Variants in SSBP3 observed in about 807,000 individuals in gnomAD.
SSBP3 encodes the protein single-stranded DNA-binding protein 3.
Under a neutral mutation model 69.6 loss-of-function variants are expected in SSBP3, and 5 were observed. That is an observed-to-expected ratio of 0.07 (90% CI 0.04 to 0.15). SSBP3 has a LOEUF of 0.15. Ranked by LOEUF, SSBP3 falls within the 10% of genes least tolerant of loss-of-function variation. The pLI, the probability that SSBP3 is intolerant of heterozygous loss-of-function variation, is 1.00. For synonymous variants in SSBP3, 196 were observed against 193.4 expected, an observed-to-expected ratio of 1.01 and a Z score of -0.11; for missense variants, 312 against 534.0, an observed-to-expected ratio of 0.58 and a Z score of 4.10.
intron 5 of SSBP3, among the ~76,000 whole-genome samples, chr1:54,281,193 GAA>G (rs1363293951): frequency 6.6e-6 from 1 of 152,194 alleles, no homozygotes; most frequent in Non-Finnish European, 1.5e-5. Context: ...CTGGCATGAA[GAA>G]AGCAAACTCC....
intron 4 of SSBP3, among the ~76,000 whole-genome samples, chr1:54,400,091 G>A (rs1263663169): frequency 6.6e-6 from 1 of 152,162 alleles, no homozygotes; most frequent in African/African-American, 2.4e-5. Context: ...CCATTCCTCA[G>A]CAAATTACTG....
intron 4 of SSBP3, among the ~76,000 whole-genome samples, chr1:54,310,551 G>A (rs1645983341): frequency 2.0e-5 from 3 of 152,100 alleles, no homozygotes; most frequent in Non-Finnish European, 4.4e-5. Flanking sequence ...AGCACTACCT[G>A]CATTAGCTAA....
chr1:54,239,101 T>C (rs1253786173), intron 14 of SSBP3, 28 bp downstream of exon 14: 1 of 1,585,002 alleles, frequency 6.3e-7, no homozygotes, highest in Admixed American at 1.7e-5. Context: ...TGGTGTCTGA[T>C]ATGTAAATTA....
intron 4 of SSBP3, among the ~76,000 whole-genome samples, chr1:54,371,872 C>T (rs912291306): frequency 3.9e-5 from 6 of 152,088 alleles, no homozygotes; most frequent in Non-Finnish European, 8.8e-5. Context: ...CCACCTGGTA[C>T]AGGAACCGAG....
At position 54,279,202 on chromosome 1, in the gene SSBP3, G is replaced by A. The variant is rs148240745; in HGVS notation, c.366+2236C>T. On this transcript the variant is annotated intron_variant, in intron 5 of 17. Transcript: ENST00000610401. ...TGACCACGTCAGCTCTTGATGGCTC[G>A]CCGTGCCTGGGAAAACAGAGGTGAC... Among the ~76,000 whole-genome samples the A allele has an allele frequency of 2.0e-3, 311 of 152,236 alleles. 1 individual carries two copies. Among genetic ancestry groups the A allele is most frequent in the Non-Finnish European group, 3.1e-3 (214 of 68,030 alleles).
intron 4 of SSBP3, among the ~76,000 whole-genome samples, chr1:54,308,397 C>T (rs1390974776): frequency 2.0e-5 from 3 of 151,696 alleles, no homozygotes; most frequent in African/African-American, 4.8e-5. Flanking sequence ...GTCAGGAGAT[C>T]GAGACCATCC....
At chr1:54,353,428 G>A (rs1181622456) in intron 4 of SSBP3, among the ~76,000 whole-genome samples, 2 of 152,142 alleles carry the variant, frequency 1.3e-5, no homozygotes, top group African/African-American at 4.8e-5. Context: ...ATGTGGCCAG[G>A]CCATCCTCAG....
chr1:54,288,357 G>A (rs1224130364), intron 4 of SSBP3, among the ~76,000 whole-genome samples: 1 of 152,186 alleles, frequency 6.6e-6, no homozygotes, highest in East Asian at 1.9e-4. Flanking sequence ...GTGACACTGT[G>A]GATGTCCAAG....
At chr1:54,383,328 A>T (rs1219962498) in intron 4 of SSBP3, among the ~76,000 whole-genome samples, 1 of 152,100 alleles carries the variant, frequency 6.6e-6, no homozygotes, top group African/African-American at 2.4e-5. Context: ...TAGTGAGCCA[A>T]GATCGCACCA....
chr1:54,335,541 G>A (rs1180578299), intron 4 of SSBP3, among the ~76,000 whole-genome samples: 1 of 152,176 alleles, frequency 6.6e-6, no homozygotes, highest in Non-Finnish European at 1.5e-5. Context: ...TTTAAGGCTA[G>A]GGCTGAAGAT....
At chr1:54,366,161 AGCT>A (rs1459052134) in intron 4 of SSBP3, among the ~76,000 whole-genome samples, 1 of 152,178 alleles carries the variant, frequency 6.6e-6, no homozygotes, top group East Asian at 1.9e-4. Context: ...CTGGAGCTCC[AGCT>A]GCTGCTAACA....
At chr1:54,351,845 C>G (rs1250382943) in intron 4 of SSBP3, among the ~76,000 whole-genome samples, 1 of 152,220 alleles carries the variant, frequency 6.6e-6, no homozygotes, top group Admixed American at 6.5e-5. Flanking sequence ...CTGACTCGAT[C>G]TGGCCCAGCT....
At chr1:54,343,226 G>A (rs776853923) in intron 4 of SSBP3, among the ~76,000 whole-genome samples, 2 of 152,140 alleles carry the variant, frequency 1.3e-5, no homozygotes, top group Non-Finnish European at 2.9e-5. Flanking sequence ...TACATTCCTC[G>A]CTGCGTGTCA....
chr1:54,228,702 G>A (rs778735580), intron 15 of SSBP3, 46 bp downstream of exon 15: 1 of 1,547,794 alleles, frequency 6.5e-7, no homozygotes, highest in Non-Finnish European at 8.7e-7. Context: ...GCACAGAGCT[G>A]GCTGCCCAGG....
intron 9 of SSBP3, among the ~76,000 whole-genome samples, chr1:54,247,546 C>CT (rs1644755374): frequency 6.6e-6 from 1 of 152,170 alleles, no homozygotes; most frequent in African/African-American, 2.4e-5. Context: ...TGGACTGGCC[C>CT]TGGATCAGCC....
rs777124262 is a variant in SSBP3 at position 54,258,262 on chromosome 1, G to A, written c.367-113C>T. On this transcript the variant is annotated intron_variant, in intron 5 of 17. Coordinates refer to ENST00000610401, the Ensembl canonical transcript of SSBP3. The surrounding 1 kb of genome is among the most constrained non-coding windows in gnomAD (Gnocchi z 4.5). Reference sequence around the variant, plus strand: ...AACGAAGGGTGGGCGGCGGGCGTGCGGGGGGGTGGGCTCTGGTTGGTGGGA... The same window carrying A: ...AACGAAGGGTGGGCGGCGGGCGTGCAGGGGGGTGGGCTCTGGTTGGTGGGA... 12 of 765,246 alleles carry A rather than the reference G, an allele frequency of 1.6e-5. No homozygotes were observed. Among genetic ancestry groups the A allele is most frequent in the East Asian group, 1.4e-4 (4 of 28,276 alleles). The allele number at this position is 765,246 out of a possible 1,614,324, so 47.4% of individuals were successfully genotyped here. A position where few individuals can be genotyped will look rare whatever the true frequency, so the allele number is the denominator to read the frequency against.
chr1:54,349,931 C>T (rs1646754518), intron 4 of SSBP3, among the ~76,000 whole-genome samples: 1 of 152,046 alleles, frequency 6.6e-6, no homozygotes, highest in Admixed American at 6.5e-5. Context: ...ACCTGGGGTC[C>T]CTTTAGCCTC....
chr1:54,372,408 G>A (rs1647150005), intron 4 of SSBP3, among the ~76,000 whole-genome samples: 1 of 146,768 alleles, frequency 6.8e-6, no homozygotes, highest in Non-Finnish European at 1.5e-5. Context: ...CTCACTCCTT[G>A]AGGCCCAGCA....
chr1:54,401,831 T>G (rs1404435976), intron 4 of SSBP3, 30 bp downstream of exon 4: 9 of 1,586,904 alleles, frequency 5.7e-6, no homozygotes, highest in Non-Finnish European at 7.8e-6. Flanking sequence ...ACCCTATAAT[T>G]ATTGCTAGGA....
Sources: gnomAD v4.1 joint callset for allele counts (sites outside exome capture counted in the v4.1 genomes callset) on GRCh38, gnomAD v4.1.1 for gene constraint, Gnocchi (gnomAD v3.1) non-coding constraint, MANE v1.5 for transcripts, NCBI Gene and HGNC (gene_info 2026-07-23, HGNC 2026-07-21) for gene names.